The following GNAT3 variants were observed in gnomAD, a reference collection of about 807,000 sequenced individuals.
GNAT3 encodes G protein subunit alpha transducin 3, also known as guanine nucleotide-binding protein G(t) subunit alpha-3.
In GNAT3, 31 loss-of-function variants were observed where a neutral mutation model predicts 37.7. The observed-to-expected ratio is 0.82, with a 90% CI of 0.62 to 1.11. GNAT3 has a LOEUF of 1.11. Ranked by LOEUF, GNAT3 falls within the 50% of genes most tolerant of loss-of-function variation. The pLI, the probability that GNAT3 is intolerant of heterozygous loss-of-function variation, is 0.00. For missense variants in GNAT3, 437 were observed against 412.5 expected (o/e 1.06, Z -0.51); for synonymous variants, 138 against 139.8 (o/e 0.99, Z 0.09).
chr7:80,458,877 A>G lies in GNAT3; in HGVS notation c.875-16T>C, dbSNP rs1219781500. 6.7e-7 allele frequency: 1 copy of G among 1,496,380 alleles called. No homozygotes were observed. The highest frequency in any genetic ancestry group is 9.0e-7 in the Non-Finnish European group (1 of 1,107,350). The allele number at this position is 1,496,380 out of a possible 1,614,324, so 92.7% of individuals were successfully genotyped here. A position where few individuals can be genotyped will look rare whatever the true frequency, so the allele number is the denominator to read the frequency against. On this transcript the variant is annotated splice_polypyrimidine_tract_variant and intron_variant, in intron 7 of 7. Coordinates refer to ENST00000398291, the MANE Select transcript of GNAT3 (RefSeq NM_001102386.3). ...GTATTTGGCCCTTGTTAAACAAAATATTTGAAGAAGTAAAGATTAATCATA... is the reference window on the plus strand; with the variant it reads ...GTATTTGGCCCTTGTTAAACAAAATGTTTGAAGAAGTAAAGATTAATCATA...
rs914278164 is a variant in GNAT3, at chr7:80,458,803, A to G, written c.933T>C (p.Asn311=). Residue 311 remains asparagine (N), a synonymous_variant, in exon 8 of 8, where the codon AAT becomes AAC. Transcript: ENST00000398291. ...NYIKNQFLDL[N]LKKEDKEIYS... is the part of the protein sequence containing the mutation. Reference sequence around the variant, plus strand: ...AAATTTCCTTATCTTCTTTTTTTAAATTCAGGTCTAGAAACTGGTTCTTGA... The same window carrying G: ...AAATTTCCTTATCTTCTTTTTTTAAGTTCAGGTCTAGAAACTGGTTCTTGA... 2.5e-6 allele frequency: 4 copies of G among 1,596,540 alleles called. No homozygotes were observed. The highest frequency in any genetic ancestry group is 3.4e-6 in the Non-Finnish European group (4 of 1,171,684).
chr7:80,474,388 G>A lies in GNAT3; in HGVS notation c.462-9C>T. ...CTAAATCATTAAGGTAGCTAATAAA[G>A]ACAAAACAAAATTATATATGTGTAT... On this transcript the variant is annotated splice_polypyrimidine_tract_variant and intron_variant, in intron 4 of 7. Coordinates refer to ENST00000398291, the MANE Select transcript of GNAT3 (RefSeq NM_001102386.3). The A allele has an allele frequency of 1.4e-6, 2 of 1,447,454 alleles. No individual in the cohort carries two copies. Among genetic ancestry groups the A allele is most frequent in the Middle Eastern group, 1.8e-4 (1 of 5,696 alleles). The allele number at this position is 1,447,454 out of a possible 1,614,324, so 89.7% of individuals were successfully genotyped here. A position where few individuals can be genotyped will look rare whatever the true frequency, so the allele number is the denominator to read the frequency against.
At position 80,504,675 on chromosome 7, in the gene GNAT3, A is replaced by G. The variant is rs371358804; in HGVS notation, c.118+7134T>C. Among the ~76,000 whole-genome samples, 158 of 152,364 alleles carry G rather than the reference A, an allele frequency of 1.0e-3. 6 individuals are homozygous for G. In the South Asian group the frequency reaches 0.031, roughly 30 times the overall value. ...ATTAGTGGAACAAAAATTTTAAGATATGAAAGGTGATAGAATTTATAGCAC... is the reference window on the plus strand; with the variant it reads ...ATTAGTGGAACAAAAATTTTAAGATGTGAAAGGTGATAGAATTTATAGCAC... On this transcript the variant is annotated intron_variant, in intron 1 of 7. Coordinates refer to ENST00000398291, the MANE Select transcript of GNAT3 (RefSeq NM_001102386.3).
chr7:80,475,712 TA>T (rs1325003385), intron 4 of GNAT3, among the ~76,000 whole-genome samples: 2 of 152,132 alleles, frequency 1.3e-5, no homozygotes, highest in African/African-American at 4.8e-5. Flanking sequence ...TTTTATTAGT[TA>T]AAAAAATTCA....
chr7:80,500,080 G>A (rs914423447), intron 1 of GNAT3, among the ~76,000 whole-genome samples: 1 of 152,062 alleles, frequency 6.6e-6, no homozygotes, highest in African/African-American at 2.4e-5. Context: ...AAGAGCCAAT[G>A]TCTTTCCGAA....
intron 3 of GNAT3, among the ~76,000 whole-genome samples, chr7:80,481,646 G>A (rs1275660701): frequency 6.6e-6 from 1 of 152,070 alleles, no homozygotes; most frequent in Admixed American, 6.6e-5. Context: ...ATTGTGTAGA[G>A]AAGCCCCTTC....
intron 5 of GNAT3, among the ~76,000 whole-genome samples, chr7:80,469,243 G>T (rs938117697): frequency 6.6e-6 from 1 of 152,092 alleles, no homozygotes; most frequent in Non-Finnish European, 1.5e-5. Flanking sequence ...GAAATCTAAA[G>T]CTCTGTGTTG....
intron 1 of GNAT3, among the ~76,000 whole-genome samples, chr7:80,506,917 C>T (rs6945227): frequency 2.0e-5 from 3 of 151,736 alleles, no homozygotes; most frequent in African/African-American, 4.8e-5. Context: ...GAATGCAATA[C>T]GATGTCATTA....
chr7:80,464,567 T>G (rs1584167114), intron 5 of GNAT3, among the ~76,000 whole-genome samples: 1 of 152,106 alleles, frequency 6.6e-6, no homozygotes, highest in Non-Finnish European at 1.5e-5. Context: ...CACTTTGATC[T>G]GAGTCCAGAA....
intron 7 of GNAT3, among the ~76,000 whole-genome samples, 162 bp from the exon 8 acceptor site, chr7:80,459,023 C>A (rs1397786875): frequency 6.6e-6 from 1 of 152,100 alleles, no homozygotes; most frequent in African/African-American, 2.4e-5. Context: ...ACTATGCTCA[C>A]CCCTTTGGGA....
intron 1 of GNAT3, among the ~76,000 whole-genome samples, chr7:80,511,526 ATG>A (rs1791064124): frequency 6.6e-6 from 1 of 152,132 alleles, no homozygotes; most frequent in Admixed American, 6.6e-5. Flanking sequence ...AAAATAATAA[ATG>A]TATCTGATTT....
At chr7:80,462,423 G>A in intron 6 of GNAT3, 79 bp downstream of exon 6, 2 of 1,561,656 alleles carry the variant, frequency 1.3e-6, no homozygotes, top group Non-Finnish European at 1.8e-6. Context: ...AAACCTTCAT[G>A]AGTTGGGCAA....
At chr7:80,509,118 G>A (rs1298451787) in intron 1 of GNAT3, among the ~76,000 whole-genome samples, 1 of 152,028 alleles carries the variant, frequency 6.6e-6, no homozygotes. Flanking sequence ...TTGAGGGTAG[G>A]AGAGTGGAAA....
In GNAT3 at chr7:80,492,176, C is replaced by CAAA. The variant is rs71079120; in HGVS notation, c.161+2426_161+2428dup. ...GAAACCCCAACTCTACTAAAAATAC[C>CAAA]AAAAAAAAAAAAAAAAAATTAGCTG... On this transcript the variant is annotated intron_variant, in intron 2 of 7. Coordinates refer to ENST00000398291, the MANE Select transcript of GNAT3 (RefSeq NM_001102386.3). Among the ~76,000 whole-genome samples, 28 of 136,340 alleles carry CAAA rather than the reference C, an allele frequency of 2.1e-4. 1 individual carries two copies. In the South Asian group the frequency reaches 2.3e-3, roughly 11 times the overall value. 89.4% of individuals were successfully genotyped at this position (136,340 alleles called of 152,430 possible).
At chr7:80,483,765 CAA>C (rs1790430915) in intron 3 of GNAT3, among the ~76,000 whole-genome samples, 1 of 152,004 alleles carries the variant, frequency 6.6e-6, no homozygotes, top group African/African-American at 2.4e-5. Context: ...CTTTTTCACT[CAA>C]GTCTCTTCCC....
Position 80,494,622 on chromosome 7 carries a change from AG to A in GNAT3, c.143del (p.Thr48IlefsTer6). 6.5e-7 allele frequency: 1 copy of A among 1,531,594 alleles called. No homozygotes were observed. Among genetic ancestry groups the A allele is most frequent in the Non-Finnish European group, 8.9e-7 (1 of 1,118,770 alleles). The allele number at this position is 1,531,594 out of a possible 1,614,324, so 94.9% of individuals were successfully genotyped here. A position where few individuals can be genotyped will look rare whatever the true frequency, so the allele number is the denominator to read the frequency against. The part of the protein sequence containing the change: ...LLGAGESGKS[T>X]IVKQMKIIHK... ...ATACCTACTTCATTTGTTTAACAATAGTACTTTTCCCAGATTCTCCTGCTCC... is the reference window on the plus strand; with the variant it reads ...ATACCTACTTCATTTGTTTAACAATATACTTTTCCCAGATTCTCCTGCTCC... On this transcript the variant is annotated frameshift_variant, in exon 2 of 8. Transcript: ENST00000398291. LOFTEE classifies it high-confidence loss of function.
intron 1 of GNAT3, among the ~76,000 whole-genome samples, chr7:80,497,373 T>A (rs902502005): frequency 3.3e-5 from 5 of 152,144 alleles, no homozygotes; most frequent in Middle Eastern, 3.4e-3. Flanking sequence ...ACTATTTTGC[T>A]GTAGGAAGTG....
intron 3 of GNAT3, among the ~76,000 whole-genome samples, chr7:80,487,125 C>T (rs540614037): frequency 6.6e-6 from 1 of 152,096 alleles, no homozygotes; most frequent in South Asian, 2.1e-4. Context: ...ATCTTTGAGC[C>T]TTGTTTTTTT....
chr7:80,496,971 A>G (rs996552567), intron 1 of GNAT3, among the ~76,000 whole-genome samples: 5 of 152,006 alleles, frequency 3.3e-5, no homozygotes, highest in Admixed American at 1.3e-4. Flanking sequence ...ATGGGAAATT[A>G]TGTTTCATTT....
Sources: gnomAD v4.1 joint callset for allele counts (sites outside exome capture counted in the v4.1 genomes callset) on GRCh38, gnomAD v4.1.1 for gene constraint, MANE v1.5 for transcripts, NCBI Gene and HGNC (gene_info 2026-07-23, HGNC 2026-07-21) for gene names.